DAB1: variants seen among roughly 807,000 people sequenced by gnomAD.
DAB1 encodes the protein disabled homolog 1.
A neutral mutation model predicts 64.6 loss-of-function variants in DAB1; 15 were observed. The observed-to-expected ratio is 0.23, with a 90% CI of 0.16 to 0.36. The LOEUF (loss-of-function observed/expected upper bound fraction) is 0.36, where lower values mean the gene tolerates loss of function less well. Among genes scored for constraint, DAB1 ranks in the 10% least tolerant of loss-of-function variants. DAB1 has a pLI of 1.00. For synonymous variants in DAB1, 235 were observed against 251.9 expected (o/e 0.93, Z 0.64); for missense variants, 596 against 706.7 (o/e 0.84, Z 1.78).
At chr1:58,286,359 A>G (rs1336776899) in intron 4 of DAB1, among the ~76,000 whole-genome samples, 1 of 152,246 alleles carries the variant, frequency 6.6e-6, no homozygotes, top group Non-Finnish European at 1.5e-5. Flanking sequence ...AAAAGAAACT[A>G]TCATCAGAGT....
intron 2 of DAB1, among the ~76,000 whole-genome samples, chr1:57,245,958 A>G (rs1385204181): frequency 6.6e-6 from 1 of 152,236 alleles, no homozygotes; most frequent in Non-Finnish European, 1.5e-5. Flanking sequence ...CTAAAAGTGT[A>G]CATGCATATG....
chr1:57,770,790 G>A (rs1370510420), intron 6 of DAB1, among the ~76,000 whole-genome samples: 2 of 152,078 alleles, frequency 1.3e-5, no homozygotes, highest in African/African-American at 4.8e-5. Context: ...CACTTACAGT[G>A]TATTATTATA....
At chr1:57,633,053 T>A (rs1039209557) in intron 7 of DAB1, among the ~76,000 whole-genome samples, 2 of 152,242 alleles carry the variant, frequency 1.3e-5, no homozygotes, top group Non-Finnish European at 2.9e-5. Flanking sequence ...CCATATGTTT[T>A]ACAGTTAAGA....
intron 5 of DAB1, among the ~76,000 whole-genome samples, chr1:57,977,655 T>C (rs1250110864): frequency 6.6e-6 from 1 of 152,156 alleles, no homozygotes. Context: ...CACAGATTTG[T>C]ACATTCTCAA....
chr1:58,115,962 C>T (rs1652301287), intron 5 of DAB1, among the ~76,000 whole-genome samples: 1 of 116,478 alleles, frequency 8.6e-6, no homozygotes, highest in Non-Finnish European at 1.6e-5. Context: ...ACAATGTGCA[C>T]ATGTACCCTA....
Position 58,118,345 on chromosome 1 carries a change from G to C in DAB1, n.387+32166C>G, listed in dbSNP as rs112679067. Among the ~76,000 whole-genome samples, 977 of 148,150 alleles carry C rather than the reference G, an allele frequency of 6.6e-3. 17 individuals are homozygous for C. Among genetic ancestry groups the C allele is most frequent in the African/African-American group, 0.023 (934 of 39,856 alleles). On this transcript the variant is annotated intron_variant and non_coding_transcript_variant, in intron 5 of 20. Coordinates refer to the DAB1 transcript ENST00000485760. ...AGGCTATAGCGCATTCAGCTTAAGAGCAAAGACTTGGGAGGTGGAGTTAAA... is the reference window on the plus strand; with the variant it reads ...AGGCTATAGCGCATTCAGCTTAAGACCAAAGACTTGGGAGGTGGAGTTAAA...
At chr1:58,296,219 AAGAAAGAAAGAAAG>A (rs1661984208) in intron 4 of DAB1, among the ~76,000 whole-genome samples, 1 of 150,018 alleles carries the variant, frequency 6.7e-6, no homozygotes, top group Non-Finnish European at 1.5e-5. Context: ...GAAAGAAAGA[AAGAAAGAAAGAAAG>A]AAAGAAAGAA....
At chr1:58,246,123 A>G (rs1660517384) in intron 4 of DAB1, among the ~76,000 whole-genome samples, 1 of 6,256 alleles carries the variant, frequency 1.6e-4, no homozygotes, top group Non-Finnish European at 3.3e-4. Flanking sequence ...TTGTATCAGA[A>G]TTGTTAACAA....
At chr1:58,113,105 G>A (rs1652076913) in intron 5 of DAB1, among the ~76,000 whole-genome samples, 2 of 152,182 alleles carry the variant, frequency 1.3e-5, no homozygotes, top group Admixed American at 1.3e-4. Context: ...AGAGCAGAAG[G>A]GTGAGGGCTG....
intron 4 of DAB1, among the ~76,000 whole-genome samples, chr1:58,163,935 T>A (rs1056015184): frequency 2.0e-5 from 3 of 152,130 alleles, no homozygotes; most frequent in African/African-American, 7.2e-5. Flanking sequence ...ATACCCAAAC[T>A]TTTAATATGC....
intron 2 of DAB1, among the ~76,000 whole-genome samples, chr1:57,237,388 T>C (rs1341151490): frequency 6.6e-6 from 1 of 152,218 alleles, no homozygotes; most frequent in Non-Finnish European, 1.5e-5. Context: ...GTAAGCCAGA[T>C]AGGAAAATAA....
At chr1:57,595,615 C>T (rs1645498850) in intron 7 of DAB1, among the ~76,000 whole-genome samples, 2 of 152,118 alleles carry the variant, frequency 1.3e-5, no homozygotes, top group Non-Finnish European at 2.9e-5. Context: ...TGATATGGTT[C>T]AGATCTGTGT....
intron 4 of DAB1, among the ~76,000 whole-genome samples, chr1:58,331,219 A>G (rs1470007424): frequency 2.6e-5 from 4 of 152,206 alleles, no homozygotes; most frequent in African/African-American, 9.6e-5. Context: ...TGCAGATGTG[A>G]TGGAAATTAC....
chr1:58,051,485 G>T (rs1271339461), intron 5 of DAB1, among the ~76,000 whole-genome samples: 1 of 152,150 alleles, frequency 6.6e-6, no homozygotes, highest in Non-Finnish European at 1.5e-5. Context: ...CTTTGCTATT[G>T]TGAATAGTGC....
At chr1:58,442,441 A>T (rs929083893) in intron 3 of DAB1, among the ~76,000 whole-genome samples, 12 of 152,124 alleles carry the variant, frequency 7.9e-5, no homozygotes, top group Non-Finnish European at 1.0e-4. Flanking sequence ...CTGCAAACAC[A>T]CATCCACACG....
At chr1:58,546,094 T>C (rs575298162) in intron 1 of DAB1, among the ~76,000 whole-genome samples, 1 of 152,352 alleles carries the variant, frequency 6.6e-6, no homozygotes, top group South Asian at 2.1e-4. Context: ...ACAGGCGACA[T>C]TTAAACAGTA....
At chr1:57,933,913 T>TG (rs34843290) in intron 5 of DAB1, among the ~76,000 whole-genome samples, 3 of 151,904 alleles carry the variant, frequency 2.0e-5, no homozygotes, top group Non-Finnish European at 4.4e-5. Flanking sequence ...TTTTTTTTTT[T>TG]GAGACCGAGT....
intron 5 of DAB1, among the ~76,000 whole-genome samples, chr1:58,139,244 A>C (rs937937228): frequency 7.2e-5 from 11 of 152,100 alleles, no homozygotes; most frequent in Admixed American, 5.9e-4. Flanking sequence ...CCCCATGGCC[A>C]ATGTGATCAA....
intron 6 of DAB1, among the ~76,000 whole-genome samples, chr1:57,809,721 G>A (rs1307392894): frequency 6.6e-6 from 1 of 152,066 alleles, no homozygotes; most frequent in Non-Finnish European, 1.5e-5. Flanking sequence ...CCATAGCAAC[G>A]AGTTGAAAAA....
Sources: gnomAD v4.1 joint callset for allele counts (sites outside exome capture counted in the v4.1 genomes callset) on GRCh38, gnomAD v4.1.1 for gene constraint, MANE v1.5 for transcripts, NCBI Gene and HGNC (gene_info 2026-07-23, HGNC 2026-07-21) for gene names.